The following SBF2 variants were observed in gnomAD, a reference collection of about 807,000 sequenced individuals.
SBF2 encodes the protein SET binding factor 2.
In SBF2, 112 loss-of-function variants were observed where a neutral mutation model predicts 225.2. The ratio of observed to expected loss-of-function variants is 0.50; its 90% CI spans 0.43 to 0.58. The LOEUF is 0.58. Ranked by LOEUF, SBF2 falls within the 20% of genes least tolerant of loss-of-function variation. SBF2 has a pLI of 0.00. For synonymous variants in SBF2, 763 were observed against 773.3 expected (o/e 0.99, Z 0.22); for missense variants, 1,996 against 2,206.2 (o/e 0.90, Z 1.91).
chr11:10,069,670 T>C (rs1950785863), intron 2 of SBF2, among the ~76,000 whole-genome samples: 2 of 152,236 alleles, frequency 1.3e-5, no homozygotes, highest in Non-Finnish European at 2.9e-5. Context: ...TTTGGGTATA[T>C]ACCCAGTAAT....
intron 2 of SBF2, among the ~76,000 whole-genome samples, chr11:10,068,721 G>A (rs1007358781): frequency 4.6e-5 from 7 of 151,852 alleles, no homozygotes; most frequent in African/African-American, 9.7e-5. Context: ...TATTATTACC[G>A]ACTCAGCCCC....
intron 2 of SBF2, among the ~76,000 whole-genome samples, chr11:10,183,046 C>G (rs1591160125): frequency 1.3e-5 from 2 of 152,260 alleles, no homozygotes; most frequent in South Asian, 4.1e-4. Context: ...GCTGGGATTA[C>G]AGGCGTGAGC....
At chr11:9,822,512 G>A (rs1430694148) in intron 28 of SBF2, among the ~76,000 whole-genome samples, 1 of 151,992 alleles carries the variant, frequency 6.6e-6, no homozygotes, top group South Asian at 2.1e-4. Context: ...CGCCCGCCTC[G>A]GCCTCCCAAA....
chr11:9,927,784 A>G (rs886407735), intron 16 of SBF2, among the ~76,000 whole-genome samples: 3 of 152,178 alleles, frequency 2.0e-5, no homozygotes, highest in African/African-American at 7.2e-5. Flanking sequence ...TCATAAACAG[A>G]TAAGAGAGTA....
chr11:9,877,726 G>A (rs376155835), intron 17 of SBF2, among the ~76,000 whole-genome samples: 7 of 151,928 alleles, frequency 4.6e-5, no homozygotes, highest in East Asian at 3.9e-4. Flanking sequence ...TGACATGAAC[G>A]CATCCTTTTT....
chr11:9,976,838 G>A (rs1237901110), intron 13 of SBF2, among the ~76,000 whole-genome samples: 2 of 151,028 alleles, frequency 1.3e-5, no homozygotes, highest in Non-Finnish European at 2.9e-5. Flanking sequence ...GCGTGATCTC[G>A]GCTCACTGCA....
chr11:9,817,473 A>G (rs1854512606), intron 28 of SBF2, among the ~76,000 whole-genome samples: 1 of 152,214 alleles, frequency 6.6e-6, no homozygotes, highest in African/African-American at 2.4e-5. Flanking sequence ...CATGACATTT[A>G]AAGATATGAA....
At chr11:9,887,377 C>T (rs960094885) in intron 17 of SBF2, among the ~76,000 whole-genome samples, 2 of 152,090 alleles carry the variant, frequency 1.3e-5, no homozygotes, top group African/African-American at 4.8e-5. Context: ...TAATAAAGAA[C>T]ATTAGTTCTA....
At chr11:9,976,315 G>A (rs1401436527) in intron 13 of SBF2, among the ~76,000 whole-genome samples, 1 of 152,026 alleles carries the variant, frequency 6.6e-6, no homozygotes, top group African/African-American at 2.4e-5. Flanking sequence ...CTCATGATCT[G>A]CCCGCCTCGG....
At chr11:9,937,863 T>C (rs1464929210) in intron 16 of SBF2, among the ~76,000 whole-genome samples, 1 of 151,890 alleles carries the variant, frequency 6.6e-6, no homozygotes, top group Non-Finnish European at 1.5e-5. Flanking sequence ...ACTCACAATA[T>C]CAGTATAAAC....
At chr11:10,184,150 A>C (rs1194003606) in intron 2 of SBF2, among the ~76,000 whole-genome samples, 2 of 152,234 alleles carry the variant, frequency 1.3e-5, no homozygotes, top group East Asian at 3.8e-4. Flanking sequence ...AAAAAACAAA[A>C]AAGATAACAC....
chr11:9,964,716 T>C (rs185187390), intron 14 of SBF2, among the ~76,000 whole-genome samples: 2 of 152,336 alleles, frequency 1.3e-5, no homozygotes, highest in African/African-American at 4.8e-5. Flanking sequence ...TAGAAAATTC[T>C]AGTGTATTAC....
At chr11:10,048,773 A>G (rs1057308041) in intron 2 of SBF2, among the ~76,000 whole-genome samples, 3 of 152,232 alleles carry the variant, frequency 2.0e-5, no homozygotes, top group African/African-American at 7.2e-5. Flanking sequence ...ATGTGTCAAT[A>G]TTTGGAAGCT....
intron 1 of SBF2, among the ~76,000 whole-genome samples, chr11:10,282,056 C>T (rs998677958): frequency 1.3e-5 from 2 of 152,064 alleles, no homozygotes; most frequent in Admixed American, 6.6e-5. Flanking sequence ...TGACTATGGC[C>T]CCCACAACTC....
chr11:9,902,914 T>C (rs1861832509), intron 16 of SBF2, among the ~76,000 whole-genome samples: 1 of 151,226 alleles, frequency 6.6e-6, no homozygotes, highest in African/African-American at 2.4e-5. Context: ...TAGAGTGGGT[T>C]GCAACTTCCA....
chr11:10,222,295 G>C (rs1958368606), intron 1 of SBF2, among the ~76,000 whole-genome samples: 1 of 152,068 alleles, frequency 6.6e-6, no homozygotes. Flanking sequence ...CAAGACAAAA[G>C]GAAACCAATA....
At chr11:10,230,036 C>A (rs1267951297) in intron 1 of SBF2, among the ~76,000 whole-genome samples, 3 of 152,124 alleles carry the variant, frequency 2.0e-5, no homozygotes, top group Admixed American at 2.0e-4. Context: ...GTTAGCTCTT[C>A]TTGTTGAATT....
intron 17 of SBF2, among the ~76,000 whole-genome samples, chr11:9,882,537 G>A (rs992843007): frequency 6.6e-5 from 10 of 152,116 alleles, no homozygotes; most frequent in Admixed American, 2.0e-4. Flanking sequence ...GGCCGGGCAT[G>A]GTGGCTCATG....
Position 9,832,343 on chromosome 11 carries a change from T to C in SBF2, c.3533A>G (p.Asn1178Ser), listed in dbSNP as rs1310790545. The change falls in exon 27 of 40, where the codon AAT becomes AGT. Residue 1178 changes from asparagine to serine, a missense_variant. Transcript: ENST00000256190. ...LPRVARCYRH[N>S]RLPVVCWKNS... The stretch of plus-strand genomic sequence containing the variant: ...CTTCCAACATACAACAGGCAGGCGA[T>C]TGTGTCGATAGCAGCGAGCTACTCT... The C allele has an allele frequency of 4.3e-6, 7 of 1,613,872 alleles. No homozygotes were observed. In the Admixed American group the frequency reaches 5.0e-5, roughly 12 times the overall value.
Sources: allele counts gnomAD v4.1 joint callset (sites outside exome capture counted in the v4.1 genomes callset), GRCh38; gene constraint gnomAD v4.1.1; transcripts MANE v1.5; gene names NCBI Gene and HGNC (gene_info 2026-07-23, HGNC 2026-07-21).